SYT1: variants seen among roughly 807,000 people sequenced by gnomAD.
SYT1 encodes the protein synaptotagmin 1, also known as synaptotagmin-1.
In SYT1, 8 loss-of-function variants were observed where a neutral mutation model predicts 44.8. The observed-to-expected ratio is 0.18, with a 90% CI of 0.10 to 0.32. The LOEUF is 0.32. Ranked by LOEUF, SYT1 falls within the 10% of genes least tolerant of loss-of-function variation. The pLI is 1.00. For synonymous variants in SYT1, 154 were observed against 188.8 expected (o/e 0.82, Z 1.51); for missense variants, 286 against 509.3 (o/e 0.56, Z 4.22).
intron 3 of SYT1, among the ~76,000 whole-genome samples, chr12:79,193,685 G>T (rs1006333298): frequency 6.6e-6 from 1 of 152,120 alleles, no homozygotes; most frequent in East Asian, 1.9e-4. Flanking sequence ...CTATGATCAT[G>T]CCACTGCACT....
chr12:78,918,223 C>A (rs771869525), intron 1 of SYT1, among the ~76,000 whole-genome samples: 1 of 152,034 alleles, frequency 6.6e-6, no homozygotes, highest in African/African-American at 2.4e-5. Flanking sequence ...CAAGGCTATG[C>A]ACCATACATG....
intron 2 of SYT1, among the ~76,000 whole-genome samples, chr12:79,041,464 A>C (rs1187503395): frequency 6.6e-6 from 1 of 151,144 alleles, no homozygotes; most frequent in Non-Finnish European, 1.5e-5. Flanking sequence ...TGATTTTTGT[A>C]CATTGATTTT....
chr12:79,207,753 A>C (rs1177684482), intron 3 of SYT1, among the ~76,000 whole-genome samples: 1 of 152,244 alleles, frequency 6.6e-6, no homozygotes. Context: ...AATTAGGATT[A>C]GATGGGAAAA....
chr12:79,054,339 A>G (rs917903438), intron 3 of SYT1, among the ~76,000 whole-genome samples: 2 of 152,034 alleles, frequency 1.3e-5, no homozygotes, highest in Non-Finnish European at 2.9e-5. Flanking sequence ...TGCATCATGC[A>G]TATTTGTCCT....
intron 1 of SYT1, among the ~76,000 whole-genome samples, 196 bp downstream of exon 1, chr12:78,865,305 C>T (rs568193285): frequency 2.0e-5 from 3 of 152,086 alleles, no homozygotes; most frequent in East Asian, 1.9e-4. Context: ...GCACAGCGCC[C>T]GTGATTTAGA....
chr12:79,131,395 T>G (rs1258946656), intron 3 of SYT1, among the ~76,000 whole-genome samples: 2 of 151,922 alleles, frequency 1.3e-5, no homozygotes, highest in Non-Finnish European at 2.9e-5. Context: ...GGTTTTTTTG[T>G]TTGTTTGTTT....
At chr12:79,026,996 G>A (rs1872579796) in intron 2 of SYT1, among the ~76,000 whole-genome samples, 1 of 151,352 alleles carries the variant, frequency 6.6e-6, no homozygotes, top group Non-Finnish European at 1.5e-5. Context: ...CAGTGTGGAG[G>A]TTCCTCAAAA....
intron 4 of SYT1, among the ~76,000 whole-genome samples, chr12:79,224,443 T>G (rs2138589775): frequency 6.6e-6 from 1 of 152,236 alleles, no homozygotes; most frequent in African/African-American, 2.4e-5. Context: ...CTGGTTTCCT[T>G]CATAAGGAGA....
chr12:78,903,319 TG>T (rs993802671), intron 1 of SYT1, among the ~76,000 whole-genome samples: 1 of 151,808 alleles, frequency 6.6e-6, no homozygotes, highest in African/African-American at 2.4e-5. Context: ...GGAGTCTCAC[TG>T]TGTCGCTCAG....
rs899972458 is a variant in SYT1 at position 79,260,691 on chromosome 12, C to T, written c.167-25096C>T. 3.3e-5 allele frequency among the ~76,000 whole-genome samples: 5 copies of T among 152,182 alleles called. No individual in the cohort carries two copies. The South Asian group carries it at 8.3e-4, about 25-fold the overall frequency. On this transcript the variant is annotated intron_variant, in intron 4 of 10. Transcript: ENST00000261205. The stretch of plus-strand genomic sequence containing the variant: ...TTTTTCTCTACTCCACAATCCCCAT[C>T]CAGTAATAAAAATCTATTCAAAAGT...
At chr12:78,941,535 T>C (rs950281057) in intron 1 of SYT1, among the ~76,000 whole-genome samples, 2 of 152,098 alleles carry the variant, frequency 1.3e-5, no homozygotes, top group African/African-American at 2.4e-5. Context: ...TTTGCAAAAA[T>C]AGAAGAGAGC....
intron 2 of SYT1, among the ~76,000 whole-genome samples, chr12:79,044,890 T>C (rs1032123068): frequency 6.6e-6 from 1 of 152,150 alleles, no homozygotes; most frequent in African/African-American, 2.4e-5. Context: ...CGCTGCCGTG[T>C]GAGGTGTCAG....
chr12:79,119,507 A>G (rs1399166137), intron 3 of SYT1, among the ~76,000 whole-genome samples: 2 of 151,734 alleles, frequency 1.3e-5, no homozygotes, highest in Non-Finnish European at 2.9e-5. Flanking sequence ...ACTTTTCTTC[A>G]GCTGAGAAGG....
chr12:78,876,866 A>AATATATATT (rs369951533), intron 1 of SYT1, among the ~76,000 whole-genome samples: 1 of 12,898 alleles, frequency 7.8e-5, no homozygotes, highest in African/African-American at 2.0e-4. Flanking sequence ...TAATATATAT[A>AATATATATT]ATATATTATA....
intron 3 of SYT1, among the ~76,000 whole-genome samples, chr12:79,124,457 G>A (rs984224959): frequency 6.6e-6 from 1 of 152,072 alleles, no homozygotes; most frequent in East Asian, 1.9e-4. Context: ...GGCTTGTCGT[G>A]AGGTAGAATA....
At chr12:79,448,796 C>T (rs753372424) in intron 10 of SYT1, 122 bp from the exon 11 acceptor site, 4 of 829,798 alleles carry the variant, frequency 4.8e-6, no homozygotes, top group African/African-American at 1.7e-5. Context: ...CATTTTCATC[C>T]TCATCCTAGT....
At chr12:79,039,983 T>C (rs1873426732) in intron 2 of SYT1, among the ~76,000 whole-genome samples, 1 of 149,188 alleles carries the variant, frequency 6.7e-6, no homozygotes, top group South Asian at 2.1e-4. Context: ...TAGTATTCCA[T>C]GGTGTATATG....
intron 1 of SYT1, among the ~76,000 whole-genome samples, chr12:78,914,200 A>G (rs1348845597): frequency 6.6e-6 from 1 of 151,986 alleles, no homozygotes; most frequent in Non-Finnish European, 1.5e-5. Flanking sequence ...TCAAAGGGGC[A>G]TTGGGAAATG....
At chr12:79,153,464 T>C (rs2138270596) in intron 3 of SYT1, among the ~76,000 whole-genome samples, 1 of 152,268 alleles carries the variant, frequency 6.6e-6, no homozygotes, top group African/African-American at 2.4e-5. Context: ...CCTAATGCAA[T>C]CTATGTTATA....
Sources: gnomAD v4.1 joint callset for allele counts (sites outside exome capture counted in the v4.1 genomes callset) on GRCh38, gnomAD v4.1.1 for gene constraint, MANE v1.5 for transcripts, NCBI Gene and HGNC (gene_info 2026-07-23, HGNC 2026-07-21) for gene names.